COL21A1: variants seen among roughly 807,000 people sequenced by gnomAD.
The protein encoded by COL21A1 is collagen type XXI alpha 1 chain, also known as collagen alpha-1(XXI) chain.
A neutral mutation model predicts 137.9 loss-of-function variants in COL21A1; 149 were observed. The observed-to-expected ratio is 1.08, with a 90% CI of 0.95 to 1.24. The LOEUF (loss-of-function observed/expected upper bound fraction) is 1.24, where lower values mean the gene tolerates loss of function less well. Ranked by LOEUF, COL21A1 falls within the 50% of genes most tolerant of loss-of-function variation. The pLI, the probability that COL21A1 is intolerant of heterozygous loss-of-function variation, is 0.00. For synonymous variants in COL21A1, 456 were observed against 391.5 expected (o/e 1.16, Z -1.95); for missense variants, 1,167 against 1,158.4 (o/e 1.01, Z -0.11).
chr6:56,151,958 G>A (rs1775364993), intron 10 of COL21A1, among the ~76,000 whole-genome samples: 1 of 152,126 alleles, frequency 6.6e-6, no homozygotes, highest in African/African-American at 2.4e-5. Context: ...GGGAGGGGCT[G>A]GATATTTAAG....
At chr6:56,172,069 G>GAAA (rs58176470) in intron 3 of COL21A1, among the ~76,000 whole-genome samples, 16 of 142,324 alleles carry the variant, frequency 1.1e-4, no homozygotes, top group African/African-American at 3.8e-4. Context: ...GCGAGTTCCA[G>GAAA]AAAAAAAAAA....
At chr6:56,352,098 T>A (rs1765723056) in intron 1 of COL21A1, among the ~76,000 whole-genome samples, 3 of 152,086 alleles carry the variant, frequency 2.0e-5, no homozygotes, top group African/African-American at 7.2e-5. Context: ...TGAGACCTTA[T>A]CTCAAAAAAG....
At chr6:56,325,757 A>AATATTAC (rs1765049037) in intron 1 of COL21A1, among the ~76,000 whole-genome samples, 7 of 4,372 alleles carry the variant, frequency 1.6e-3, no homozygotes, top group East Asian at 6.4e-3. Context: ...TAATATTATA[A>AATATTAC]ATATTATATA....
chr6:56,062,982 A>G (rs1765942056), intron 24 of COL21A1, among the ~76,000 whole-genome samples: 1 of 152,104 alleles, frequency 6.6e-6, no homozygotes, highest in Non-Finnish European at 1.5e-5. Flanking sequence ...AAAAATACAC[A>G]TGTGTTGTGC....
intron 1 of COL21A1, among the ~76,000 whole-genome samples, chr6:56,292,642 A>G (rs1764076730): frequency 1.3e-5 from 2 of 152,110 alleles, no homozygotes. Flanking sequence ...CTCAGTGCCA[A>G]CACATGGACA....
intron 17 of COL21A1, among the ~76,000 whole-genome samples, chr6:56,099,029 C>G (rs1023769412): frequency 2.0e-5 from 3 of 150,098 alleles, no homozygotes; most frequent in African/African-American, 7.4e-5. Flanking sequence ...TTTAATATTT[C>G]TTTTATCTTT....
chr6:56,338,648 C>T (rs371708253), intron 1 of COL21A1, among the ~76,000 whole-genome samples: 43 of 152,334 alleles, frequency 2.8e-4, no homozygotes, highest in Admixed American at 5.2e-4. Context: ...GGAAGACCAG[C>T]CAGCCTGCTA....
rs761639408 is a variant in COL21A1 at position 56,318,643 on chromosome 6, C to T, written c.-39+75328G>A. On this transcript the variant is annotated intron_variant, in intron 1 of 28. Transcript: ENST00000370819. Reference sequence around the variant, plus strand: ...TCCTGCTGCACTTGATGAGTGGTTCCTTTATGTAACTAAGTTCAATCTTAC... The same window carrying T: ...TCCTGCTGCACTTGATGAGTGGTTCTTTTATGTAACTAAGTTCAATCTTAC... Among the ~76,000 whole-genome samples, 6 of 152,060 alleles carry T rather than the reference C, an allele frequency of 3.9e-5. 1 individual carries two copies. In the South Asian group the frequency reaches 1.2e-3, roughly 32 times the overall value.
At position 56,271,407 on chromosome 6, in the gene COL21A1, A is replaced by G. The variant is rs189098818; in HGVS notation, c.-38-88751T>C. On this transcript the variant is annotated intron_variant, in intron 1 of 28. Coordinates refer to the COL21A1 transcript ENST00000370819. ...TAAGCAGCAAAGTTTTCAAGAGGTG[A>G]CCTAGCTTATTATGAAAGCATTCAG... Among the ~76,000 whole-genome samples the G allele has an allele frequency of 6.8e-4, 103 of 152,328 alleles. 1 individual carries two copies. Among genetic ancestry groups the G allele is most frequent in the African/African-American group, 2.3e-3 (97 of 41,574 alleles).
chr6:56,099,844 C>T (rs1770289603), intron 17 of COL21A1, among the ~76,000 whole-genome samples: 1 of 152,082 alleles, frequency 6.6e-6, no homozygotes, highest in Non-Finnish European at 1.5e-5. Context: ...CCACTCCATG[C>T]TTATTAATAC....
intron 1 of COL21A1, among the ~76,000 whole-genome samples, chr6:56,192,138 G>T (rs1385078515): frequency 6.6e-6 from 1 of 152,116 alleles, no homozygotes; most frequent in African/African-American, 2.4e-5. Context: ...GGGAAAACTA[G>T]CTAGCCATAT....
intron 1 of COL21A1, among the ~76,000 whole-genome samples, chr6:56,325,310 A>ATATAATAT (rs1764987310): frequency 1.8e-3 from 2 of 1,082 alleles, no homozygotes; most frequent in African/African-American, 1.9e-3. Flanking sequence ...ATTATAATAT[A>ATATAATAT]TATATTATAT....
intron 16 of COL21A1, among the ~76,000 whole-genome samples, chr6:56,106,880 G>A (rs535153405): frequency 3.3e-5 from 5 of 151,846 alleles, no homozygotes; most frequent in Middle Eastern, 3.4e-3. Flanking sequence ...TCCGCCTCCC[G>A]GGTTCACGCC....
intron 12 of COL21A1, among the ~76,000 whole-genome samples, chr6:56,130,146 G>A (rs1447583940): frequency 7.1e-6 from 1 of 140,472 alleles, no homozygotes; most frequent in Non-Finnish European, 1.5e-5. Context: ...GCCTCCCTGA[G>A]AGCATTCATG....
At chr6:56,281,694 T>A (rs980974271) in intron 1 of COL21A1, among the ~76,000 whole-genome samples, 3 of 152,218 alleles carry the variant, frequency 2.0e-5, no homozygotes, top group Non-Finnish European at 2.9e-5. Flanking sequence ...TTCCATGGCC[T>A]GTGATTTGAG....
At chr6:56,289,842 A>G (rs1763999172) in intron 1 of COL21A1, among the ~76,000 whole-genome samples, 1 of 152,036 alleles carries the variant, frequency 6.6e-6, no homozygotes, top group Non-Finnish European at 1.5e-5. Context: ...TATTATGTGA[A>G]AACGCTATAT....
At chr6:56,131,692 G>A (rs1773565728) in intron 12 of COL21A1, among the ~76,000 whole-genome samples, 1 of 152,114 alleles carries the variant, frequency 6.6e-6, no homozygotes, top group African/African-American at 2.4e-5. Flanking sequence ...TGTAGAGAAG[G>A]AGATGTGATT....
chr6:56,264,697 T>G (rs1415026071), intron 1 of COL21A1, among the ~76,000 whole-genome samples: 1 of 152,216 alleles, frequency 6.6e-6, no homozygotes, highest in Non-Finnish European at 1.5e-5. Context: ...TGCATATACC[T>G]CAATCCGATA....
At chr6:56,117,900 CA>C (rs1441784033) in intron 16 of COL21A1, among the ~76,000 whole-genome samples, 5 of 151,708 alleles carry the variant, frequency 3.3e-5, no homozygotes, top group African/African-American at 9.7e-5. Flanking sequence ...CATGGAAACA[CA>C]GCATACCAAA....
Sources: allele counts gnomAD v4.1 joint callset (sites outside exome capture counted in the v4.1 genomes callset), GRCh38; gene constraint gnomAD v4.1.1; transcripts MANE v1.5; gene names NCBI Gene and HGNC (gene_info 2026-07-23, HGNC 2026-07-21).